Variants in PLXDC2 observed in about 807,000 individuals in gnomAD.
The protein encoded by PLXDC2 is plexin domain containing 2.
PLXDC2 carries 40 observed loss-of-function variants against 68.9 expected under a neutral mutation model. The observed-to-expected ratio is 0.58, with a 90% CI of 0.45 to 0.76. The LOEUF is 0.76. Ranked by LOEUF, PLXDC2 falls within the 30% of genes least tolerant of loss-of-function variation. The pLI is 0.00. For synonymous variants in PLXDC2, 243 were observed against 234.2 expected (o/e 1.04, Z -0.34); for missense variants, 644 against 661.9 (o/e 0.97, Z 0.30).
At chr10:20,120,613 G>A (rs1301276007) in intron 4 of PLXDC2, among the ~76,000 whole-genome samples, 1 of 152,164 alleles carries the variant, frequency 6.6e-6, no homozygotes, top group Non-Finnish European at 1.5e-5. Context: ...CCTATCCAGT[G>A]AAAGTGTCTA....
At chr10:20,180,405 C>G (rs919282662) in intron 9 of PLXDC2, among the ~76,000 whole-genome samples, 3 of 151,964 alleles carry the variant, frequency 2.0e-5, no homozygotes, top group Admixed American at 2.0e-4. Context: ...ACTTAATTTC[C>G]CCACTGCATT....
intron 1 of PLXDC2, among the ~76,000 whole-genome samples, chr10:19,996,440 G>C (rs1367014305): frequency 6.6e-6 from 1 of 152,080 alleles, no homozygotes; most frequent in Non-Finnish European, 1.5e-5. Flanking sequence ...TTAAAAATTA[G>C]CTGGGCATGG....
Position 20,122,381 on chromosome 10 carries a change from G to C in PLXDC2, c.542-20914G>C, listed in dbSNP as rs532368764. ...GTGAGTTACCTGAAGCTCAGCGTCC[G>C]TGATGGTCTAGGGGGCTTTCGAGGC... On this transcript the variant is annotated intron_variant, in intron 4 of 13. Coordinates refer to ENST00000377252, the MANE Select transcript of PLXDC2 (RefSeq NM_032812.9). 5.3e-5 allele frequency among the ~76,000 whole-genome samples: 8 copies of C among 152,304 alleles called. No homozygotes were observed. In the South Asian group the frequency reaches 1.7e-3, roughly 32 times the overall value.
chr10:19,925,368 G>A (rs1440973832), intron 1 of PLXDC2, among the ~76,000 whole-genome samples: 4 of 152,220 alleles, frequency 2.6e-5, no homozygotes, highest in African/African-American at 7.2e-5. Context: ...GAATAGTCAG[G>A]AGGGAGTTGA....
Position 20,002,764 on chromosome 10 carries a change from G to A in PLXDC2, c.324+778G>A, listed in dbSNP as rs185483765. On this transcript the variant is annotated intron_variant, in intron 2 of 13. Transcript: ENST00000377252. The stretch of plus-strand genomic sequence containing the variant: ...CAGATTGAGAGGAGTTCACCTAACT[G>A]ATGACCTGTTTATGGGAAGAGGGAG... Among the ~76,000 whole-genome samples the A allele has an allele frequency of 3.9e-5, 6 of 152,246 alleles. No individual in the cohort carries two copies. The East Asian group carries it at 9.7e-4, about 25-fold the overall frequency.
At chr10:19,861,958 A>C (rs1028295871) in intron 1 of PLXDC2, among the ~76,000 whole-genome samples, 10 of 152,160 alleles carry the variant, frequency 6.6e-5, no homozygotes, top group African/African-American at 2.2e-4. Context: ...ATTGATTTCA[A>C]CCACCTAGGG....
intron 12 of PLXDC2, among the ~76,000 whole-genome samples, chr10:20,228,079 G>A (rs909285235): frequency 1.3e-5 from 2 of 152,178 alleles, no homozygotes; most frequent in South Asian, 2.1e-4. Context: ...GAGAAAGGGG[G>A]TAAGCAGTGA....
At chr10:20,109,729 C>T (rs1445714222) in intron 4 of PLXDC2, among the ~76,000 whole-genome samples, 1 of 152,090 alleles carries the variant, frequency 6.6e-6, no homozygotes. Context: ...AAAACGATCC[C>T]CATTGCAATG....
At chr10:20,206,694 T>G (rs1475308691) in intron 9 of PLXDC2, among the ~76,000 whole-genome samples, 1 of 152,106 alleles carries the variant, frequency 6.6e-6, no homozygotes, top group Non-Finnish European at 1.5e-5. Flanking sequence ...GAGTTCCAAT[T>G]GCCAGAGAAT....
intron 3 of PLXDC2, among the ~76,000 whole-genome samples, chr10:20,052,030 A>T (rs1397250444): frequency 8.6e-5 from 13 of 151,884 alleles, no homozygotes; most frequent in Non-Finnish European, 1.9e-4. Flanking sequence ...TCAACAGAAA[A>T]CACACACACA....
chr10:19,822,573 A>G (rs957919574), intron 1 of PLXDC2, among the ~76,000 whole-genome samples: 1 of 152,118 alleles, frequency 6.6e-6, no homozygotes. Context: ...TGGCTCTACC[A>G]ATTTACATTC....
At chr10:19,921,028 A>G (rs1349188916) in intron 1 of PLXDC2, among the ~76,000 whole-genome samples, 2 of 151,844 alleles carry the variant, frequency 1.3e-5, no homozygotes, top group East Asian at 3.9e-4. Flanking sequence ...CCTGGGCTCA[A>G]ACAGTCTTCC....
intron 1 of PLXDC2, among the ~76,000 whole-genome samples, chr10:19,831,453 G>A (rs192899481): frequency 2.4e-4 from 36 of 152,076 alleles, no homozygotes; most frequent in African/African-American, 7.7e-4. Flanking sequence ...TTTATTTTAG[G>A]CTGAGGGGTA....
At chr10:20,012,303 C>CTTTTTTTTTTTTTTT (rs1156230437) in intron 2 of PLXDC2, among the ~76,000 whole-genome samples, 2 of 65,598 alleles carry the variant, frequency 3.0e-5, no homozygotes, top group African/African-American at 1.5e-4. Context: ...CTCTCTCTCT[C>CTTTTTTTTTTTTTTT]TTTTTTATTT....
At chr10:20,220,148 A>G (rs1588525139) in intron 12 of PLXDC2, among the ~76,000 whole-genome samples, 2 of 152,288 alleles carry the variant, frequency 1.3e-5, no homozygotes, top group East Asian at 1.9e-4. Context: ...TATTTCATTC[A>G]TTTCTTATTC....
chr10:20,229,706 A>T (rs1199937750), intron 12 of PLXDC2, among the ~76,000 whole-genome samples: 1 of 152,096 alleles, frequency 6.6e-6, no homozygotes, highest in Non-Finnish European at 1.5e-5. Flanking sequence ...TTTTTGCTTT[A>T]GTTTTATTCT....
intron 1 of PLXDC2, among the ~76,000 whole-genome samples, chr10:19,873,793 G>A (rs977257226): frequency 6.6e-6 from 1 of 152,164 alleles, no homozygotes; most frequent in African/African-American, 2.4e-5. Context: ...TATTTCCACT[G>A]CAAAGTAAGA....
At chr10:20,200,650 G>T (rs989457261) in intron 9 of PLXDC2, among the ~76,000 whole-genome samples, 5 of 151,966 alleles carry the variant, frequency 3.3e-5, no homozygotes, top group Non-Finnish European at 5.9e-5. Context: ...TTAATATCCA[G>T]ATACAAGAAA....
chr10:20,091,526 A>G (rs1047567043), intron 4 of PLXDC2, among the ~76,000 whole-genome samples: 4 of 152,172 alleles, frequency 2.6e-5, no homozygotes, highest in Non-Finnish European at 2.9e-5. Flanking sequence ...TAAGAGAGTA[A>G]GAACCTTTTT....
Sources: allele counts gnomAD v4.1 joint callset (sites outside exome capture counted in the v4.1 genomes callset), GRCh38; gene constraint gnomAD v4.1.1; transcripts MANE v1.5; gene names NCBI Gene and HGNC (gene_info 2026-07-23, HGNC 2026-07-21).